NGF: variants seen among roughly 807,000 people sequenced by gnomAD.
NGF encodes beta-nerve growth factor.
In NGF, 4 loss-of-function variants were observed where a neutral mutation model predicts 12.8. The observed-to-expected ratio is 0.31, with a 90% confidence interval of 0.15 to 0.72. NGF has a LOEUF of 0.72. Among genes scored for constraint, NGF ranks in the 30% least tolerant of loss-of-function variants. NGF has a pLI of 0.69. For missense variants in NGF, 283 were observed against 330.8 expected, an observed-to-expected ratio of 0.86 and a Z score of 1.12; for synonymous variants, 140 against 130.0, an observed-to-expected ratio of 1.08 and a Z score of -0.52.
chr1:115,292,204 T>G (rs1454300192), intron 2 of NGF, among the ~76,000 whole-genome samples: 1 of 152,142 alleles, frequency 6.6e-6, no homozygotes. Context: ...GCAAGGTACT[T>G]CAGAGGTGTC....
chr1:115,306,360 C>T (rs957980485), intron 1 of NGF, among the ~76,000 whole-genome samples: 12 of 152,324 alleles, frequency 7.9e-5, no homozygotes, highest in African/African-American at 2.4e-4. Flanking sequence ...AATCAGGATT[C>T]AATTGTCCAG....
intron 1 of NGF, among the ~76,000 whole-genome samples, chr1:115,326,178 C>T (rs151283258): frequency 0.012 from 1,784 of 152,060 alleles, 18 homozygotes; most frequent in Middle Eastern, 0.027. Context: ...AGCCAGCAAA[C>T]GAGGCCAGGG....
At chr1:115,319,294 C>T (rs975001642) in intron 1 of NGF, among the ~76,000 whole-genome samples, 6 of 152,170 alleles carry the variant, frequency 3.9e-5, no homozygotes, top group South Asian at 2.1e-4. Context: ...CTGCTTCCTT[C>T]GCACCCTGCA....
chr1:115,315,588 G>A (rs1041414797), intron 1 of NGF, among the ~76,000 whole-genome samples: 3 of 152,160 alleles, frequency 2.0e-5, no homozygotes, highest in African/African-American at 7.2e-5. Flanking sequence ...AGGTTTGAAA[G>A]TGTCAAATTT....
At chr1:115,296,791 G>A (rs1653884314) in intron 1 of NGF, among the ~76,000 whole-genome samples, 1 of 152,184 alleles carries the variant, frequency 6.6e-6, no homozygotes. Context: ...GCTGATGAAG[G>A]TTGAGGCTCT....
chr1:115,299,031 G>T (rs887986784), intron 1 of NGF, among the ~76,000 whole-genome samples: 7 of 152,248 alleles, frequency 4.6e-5, no homozygotes, highest in African/African-American at 1.7e-4. Context: ...TTTCTAGTAT[G>T]AAATATAATA....
At chr1:115,322,873 C>G (rs1209648643) in intron 1 of NGF, among the ~76,000 whole-genome samples, 1 of 152,134 alleles carries the variant, frequency 6.6e-6, no homozygotes, top group Non-Finnish European at 1.5e-5. Context: ...AGACCTCAAG[C>G]TCTAAAACAT....
chr1:115,299,768 C>T (rs76531531), intron 1 of NGF, among the ~76,000 whole-genome samples: 1 of 152,162 alleles, frequency 6.6e-6, no homozygotes, highest in Non-Finnish European at 1.5e-5. Context: ...GAAAACATCT[C>T]CTTGGTTCCA....
intron 1 of NGF, among the ~76,000 whole-genome samples, chr1:115,301,405 T>C (rs1212187353): frequency 1.3e-5 from 2 of 152,244 alleles, no homozygotes; most frequent in African/African-American, 2.4e-5. Context: ...TTAAATTGAA[T>C]GAGCATTTAG....
At chr1:115,311,790 G>T (rs1654341345) in intron 1 of NGF, among the ~76,000 whole-genome samples, 2 of 152,126 alleles carry the variant, frequency 1.3e-5, no homozygotes, top group African/African-American at 4.8e-5. Context: ...ATACAATTAG[G>T]AGCCACTCAG....
At chr1:115,334,397 C>A (rs1339305228) in intron 1 of NGF, among the ~76,000 whole-genome samples, 1 of 152,144 alleles carries the variant, frequency 6.6e-6, no homozygotes. Context: ...GAGTAGGAAG[C>A]TGCCATGCTC....
rs371529651 is a variant in NGF, at chr1:115,286,151, G to A, written c.645C>T (p.Gly215=). The A allele has an allele frequency of 2.2e-5, 35 of 1,613,568 alleles. No homozygotes were observed. The highest frequency in any genetic ancestry group is 3.4e-6 in the Non-Finnish European group (4 of 1,179,676). The part of the protein sequence containing the change: ...HTFVKALTMD[G]KQAAWRFIRI... ...GGATAAACCGCCAGGCAGCCTGCTT[G>A]CCATCCATGGTCAGCGCCTTGACAA... Residue 215 remains glycine (G), a synonymous_variant, in exon 3 of 3, where the codon GGC becomes GGT. Transcript: ENST00000369512.
At chr1:115,321,685 A>G (rs529363817) in intron 1 of NGF, among the ~76,000 whole-genome samples, 84 of 151,662 alleles carry the variant, frequency 5.5e-4, no homozygotes, top group Non-Finnish European at 1.2e-3. Context: ...CCTTATAATA[A>G]AATGTTTTCA....
intron 1 of NGF, among the ~76,000 whole-genome samples, chr1:115,337,267 GTTTTTTTTTTTTTTTTT>G (rs67307707): frequency 3.0e-4 from 24 of 81,028 alleles, no homozygotes; most frequent in South Asian, 8.0e-4. Context: ...TTTTGTTTTT[GTTTTTTTTTTTTTTTTT>G]TTTTTTTTTT....
Position 115,292,220 on chromosome 1 carries a change from G to A in NGF, c.-13+1407C>T, listed in dbSNP as rs376152418. Among the ~76,000 whole-genome samples, 32 of 152,170 alleles carry A rather than the reference G, an allele frequency of 2.1e-4. 4 individuals are homozygous for A. Among genetic ancestry groups the A allele is most frequent in the Admixed American group, 1.8e-3 (28 of 15,280 alleles). On this transcript the variant is annotated intron_variant, in intron 2 of 2. Coordinates refer to ENST00000369512, the MANE Select transcript of NGF (RefSeq NM_002506.3). ...CAAGGTACTTCAGAGGTGTCCTGGG[G>A]TGGGCTGAACAGAGAGAGGCATCGA...
chr1:115,302,735 C>T (rs930887742), intron 1 of NGF, among the ~76,000 whole-genome samples: 2 of 152,186 alleles, frequency 1.3e-5, no homozygotes, highest in East Asian at 1.9e-4. Context: ...GGAAGGTGGG[C>T]GCTAGACTGA....
chr1:115,296,114 G>T (rs986603579), intron 1 of NGF, among the ~76,000 whole-genome samples: 7 of 151,748 alleles, frequency 4.6e-5, no homozygotes, highest in African/African-American at 1.5e-4. Flanking sequence ...TCTGAGCAGG[G>T]TTCTTAAGGA....
intron 1 of NGF, among the ~76,000 whole-genome samples, chr1:115,318,750 C>A (rs1289528597): frequency 6.6e-6 from 1 of 152,182 alleles, no homozygotes; most frequent in Non-Finnish European, 1.5e-5. Flanking sequence ...CCTACTCTCC[C>A]AACAGTAAGC....
At chr1:115,302,811 G>A (rs893026964) in intron 1 of NGF, among the ~76,000 whole-genome samples, 3 of 152,172 alleles carry the variant, frequency 2.0e-5, no homozygotes, top group African/African-American at 7.2e-5. Context: ...TTGTCCCAGG[G>A]CCACGTACCT....
Sources: gnomAD v4.1 joint callset for allele counts (sites outside exome capture counted in the v4.1 genomes callset) on GRCh38, gnomAD v4.1.1 for gene constraint, MANE v1.5 for transcripts, NCBI Gene and HGNC (gene_info 2026-07-23, HGNC 2026-07-21) for gene names.